PLCE1: variants seen among roughly 807,000 people sequenced by gnomAD.
PLCE1 encodes 1-phosphatidylinositol 4,5-bisphosphate phosphodiesterase epsilon-1.
PLCE1 carries 119 observed loss-of-function variants against 242.8 expected under a neutral mutation model. The ratio of observed to expected loss-of-function variants is 0.49; its 90% CI spans 0.42 to 0.57. PLCE1 has a LOEUF of 0.57. Ranked by LOEUF, PLCE1 falls within the 20% of genes least tolerant of loss-of-function variation. The pLI is 0.00. For synonymous variants in PLCE1, 945 were observed against 1,017.4 expected (o/e 0.93, Z 1.35); for missense variants, 2,441 against 2,788.8 (o/e 0.88, Z 2.81).
intron 2 of PLCE1, among the ~76,000 whole-genome samples, chr10:94,073,637 C>G (rs767874980): frequency 2.6e-5 from 4 of 152,114 alleles, no homozygotes; most frequent in Non-Finnish European, 5.9e-5. Context: ...TCAGGAATGG[C>G]AATACTGGGC....
chr10:94,200,651 CT>C (rs1329134966), intron 4 of PLCE1, among the ~76,000 whole-genome samples: 1 of 152,142 alleles, frequency 6.6e-6, no homozygotes, highest in African/African-American at 2.4e-5. Context: ...TGCATATTGA[CT>C]TCCTTCCAGG....
chr10:94,251,597 T>C (rs2050876674), intron 8 of PLCE1, among the ~76,000 whole-genome samples: 1 of 152,206 alleles, frequency 6.6e-6, no homozygotes, highest in African/African-American at 2.4e-5. Flanking sequence ...TCATTGACAA[T>C]TGTTTAATTA....
chr10:93,996,167 A>C (rs2060817064), intron 1 of PLCE1, among the ~76,000 whole-genome samples: 2 of 152,252 alleles, frequency 1.3e-5, no homozygotes, highest in South Asian at 4.1e-4. Flanking sequence ...CCTGGCTGAC[A>C]GGCGCCTATA....
intron 2 of PLCE1, among the ~76,000 whole-genome samples, chr10:94,098,780 G>A (rs575859635): frequency 7.0e-4 from 107 of 152,220 alleles, no homozygotes; most frequent in Non-Finnish European, 1.2e-3. Flanking sequence ...TACTTCTTAC[G>A]AATACAACAG....
intron 1 of PLCE1, among the ~76,000 whole-genome samples, chr10:94,015,737 A>G (rs540894475): frequency 6.6e-6 from 1 of 152,336 alleles, no homozygotes; most frequent in South Asian, 2.1e-4. Context: ...TTCAGGGAAT[A>G]GGGGGCTAGC....
chr10:94,237,118 T>A (rs2050351450), intron 7 of PLCE1, among the ~76,000 whole-genome samples: 1 of 152,222 alleles, frequency 6.6e-6, no homozygotes, highest in Non-Finnish European at 1.5e-5. Flanking sequence ...ATTAAACAGA[T>A]GTTTGGGAGA....
rs145949157 is a variant in PLCE1, at chr10:94,299,595, A to T, written c.5458+926A>T. Among the ~76,000 whole-genome samples, 340 of 152,356 alleles carry T rather than the reference A, an allele frequency of 2.2e-3. 1 individual carries two copies. The highest frequency in any genetic ancestry group is 7.9e-3 in the African/African-American group (327 of 41,590). On this transcript the variant is annotated intron_variant, in intron 24 of 32. Coordinates refer to ENST00000371380, the MANE Select transcript of PLCE1 (RefSeq NM_016341.4). ...TCCTTTGAACAGTCAAGCGGCAGGC[A>T]GCTGTTATCATTCATCTCGCGTGAA...
chr10:94,026,136 G>A (rs908275832), intron 1 of PLCE1, among the ~76,000 whole-genome samples: 1 of 152,028 alleles, frequency 6.6e-6, no homozygotes, highest in Admixed American at 6.6e-5. Context: ...GATTATTCCT[G>A]GCCCATAGTC....
chr10:94,146,280 C>T (rs1049401173), intron 3 of PLCE1, among the ~76,000 whole-genome samples: 2 of 152,116 alleles, frequency 1.3e-5, no homozygotes, highest in Non-Finnish European at 2.9e-5. Flanking sequence ...TGGCATGAGA[C>T]ACTGGTTACA....
chr10:94,243,494 A>G (rs78460129), intron 7 of PLCE1, among the ~76,000 whole-genome samples: 1 of 152,256 alleles, frequency 6.6e-6, no homozygotes, highest in Non-Finnish European at 1.5e-5. Flanking sequence ...GGATTTGTTC[A>G]TGAATTATGA....
chr10:94,210,195 T>A lies in PLCE1; in HGVS notation c.1810-17111T>A, dbSNP rs1352856898. ...TATTTGAATGGTGTTTTTTTTTTTT[T>A]ACTTTTCAGTTTCTATCATCTATGC... On this transcript the variant is annotated intron_variant, in intron 4 of 32. Coordinates refer to ENST00000371380, the MANE Select transcript of PLCE1 (RefSeq NM_016341.4). 2.0e-5 allele frequency among the ~76,000 whole-genome samples: 3 copies of A among 152,120 alleles called. No homozygotes were observed. In the South Asian group the frequency reaches 6.2e-4, roughly 32 times the overall value.
chr10:94,005,582 A>T (rs2061018825), intron 1 of PLCE1, among the ~76,000 whole-genome samples: 1 of 152,156 alleles, frequency 6.6e-6, no homozygotes, highest in Non-Finnish European at 1.5e-5. Context: ...TACACCAATG[A>T]TTCTAAGCCT....
chr10:94,316,147 G>A (rs1341074994), intron 28 of PLCE1, among the ~76,000 whole-genome samples: 1 of 152,168 alleles, frequency 6.6e-6, no homozygotes, highest in Non-Finnish European at 1.5e-5. Flanking sequence ...CCTTCCATGA[G>A]AAGATGACCG....
chr10:94,199,857 G>A (rs2048939264), intron 4 of PLCE1, among the ~76,000 whole-genome samples: 1 of 152,172 alleles, frequency 6.6e-6, no homozygotes, highest in Non-Finnish European at 1.5e-5. Flanking sequence ...TGTCCCCAGG[G>A]TAAGGCGCTG....
chr10:94,298,710 C>T lies in PLCE1; in HGVS notation c.5458+41C>T, dbSNP rs1170937180. The T allele has an allele frequency of 6.2e-7, 1 of 1,604,602 alleles. No individual in the cohort carries two copies. Among genetic ancestry groups the T allele is most frequent in the Non-Finnish European group, 8.5e-7 (1 of 1,171,584 alleles). On this transcript the variant is annotated intron_variant, in intron 24 of 32. Transcript: ENST00000371380. This position sits in a 1 kb window ranked among gnomAD's most constrained non-coding sequence, Gnocchi z 5.2. ...GCTCACCTCGCTCCTTTGCATCTTA[C>T]ATTTCAGTAAATGCAGTTTGACAGC...
chr10:94,116,244 G>T (rs1245203303), intron 2 of PLCE1, among the ~76,000 whole-genome samples: 3 of 152,050 alleles, frequency 2.0e-5, no homozygotes, highest in Non-Finnish European at 4.4e-5. Context: ...CCTTTTATTT[G>T]CTATATCTAT....
At position 94,264,514 on chromosome 10, in the gene PLCE1, T is replaced by C. The variant is rs1388009942; in HGVS notation, c.4054-1133T>C. ...GAGCAGGGGAGTAACATGATTTGAT[T>C]TTTTTTTTTTTTTTTTTTTTTTTTT... On this transcript the variant is annotated intron_variant, in intron 14 of 32. Transcript: ENST00000371380. Among the ~76,000 whole-genome samples, 552 of 88,872 alleles carry C rather than the reference T, an allele frequency of 6.2e-3. 6 individuals are homozygous for C. Among genetic ancestry groups the C allele is most frequent in the African/African-American group, 0.03 (511 of 17,018 alleles). The allele number at this position is 88,872 out of a possible 152,430, so 58.3% of individuals were successfully genotyped here.
intron 3 of PLCE1, among the ~76,000 whole-genome samples, chr10:94,148,084 ACTCTT>A (rs747995193): frequency 1.1e-4 from 16 of 152,210 alleles, no homozygotes; most frequent in Admixed American, 3.3e-4. Flanking sequence ...AAGTTACTTA[ACTCTT>A]CTCTTCTAAG....
Position 94,329,111 on chromosome 10 carries a change from T to C in PLCE1, c.*1168T>C, listed in dbSNP as rs1716058989. The C allele has an allele frequency of 6.6e-6, 1 of 152,234 alleles. No homozygotes were observed. The highest frequency in any genetic ancestry group is 2.1e-4 in the South Asian group (1 of 4,834). 9.4% of individuals were successfully genotyped at this position (152,234 alleles called of 1,614,324 possible). On this transcript the variant is annotated 3_prime_UTR_variant, in exon 33 of 33. Transcript: ENST00000371380. ...ACTTCTAAAAAGAAAATATATGCTCTGAACATCTGAAATGGGCTAGACTTT... is the reference window on the plus strand; with the variant it reads ...ACTTCTAAAAAGAAAATATATGCTCCGAACATCTGAAATGGGCTAGACTTT...
Sources: gnomAD v4.1 joint callset for allele counts (sites outside exome capture counted in the v4.1 genomes callset) on GRCh38, gnomAD v4.1.1 for gene constraint, Gnocchi (gnomAD v3.1) non-coding constraint, MANE v1.5 for transcripts, NCBI Gene and HGNC (gene_info 2026-07-23, HGNC 2026-07-21) for gene names.